Variants in CFAP91 observed in about 807,000 individuals in gnomAD.
CFAP91 encodes the protein cilia- and flagella-associated protein 91.
Under a neutral mutation model 95.9 loss-of-function variants are expected in CFAP91, and 85 were observed. That is an observed-to-expected ratio of 0.89 (90% CI 0.74 to 1.06). The LOEUF (loss-of-function observed/expected upper bound fraction) is 1.06. Among genes scored for constraint, CFAP91 ranks in the 50% least tolerant of loss-of-function variants. CFAP91 has a pLI of 0.00. For missense variants in CFAP91, 962 were observed against 943.4 expected, an observed-to-expected ratio of 1.02 and a Z score of -0.26; for synonymous variants, 335 against 327.5, an observed-to-expected ratio of 1.02 and a Z score of -0.25.
intron 5 of CFAP91, among the ~76,000 whole-genome samples, chr3:119,712,525 T>G (rs757053473): frequency 9.9e-5 from 15 of 152,202 alleles, no homozygotes; most frequent in Non-Finnish European, 1.9e-4. Context: ...CAAAGCTGAT[T>G]TGAAGTTATT....
intron 4 of CFAP91, among the ~76,000 whole-genome samples, chr3:119,709,273 T>C (rs1242471960): frequency 6.6e-6 from 1 of 152,246 alleles, no homozygotes; most frequent in Non-Finnish European, 1.5e-5. Flanking sequence ...CTGTATAAGC[T>C]TCCTTGAGAA....
At chr3:119,762,321 G>A (rs907512511) in intron 17 of CFAP91, among the ~76,000 whole-genome samples, 5 of 151,920 alleles carry the variant, frequency 3.3e-5, no homozygotes, top group Non-Finnish European at 7.4e-5. Flanking sequence ...AAACATTGAT[G>A]AAAGAAATTA....
intron 14 of CFAP91, among the ~76,000 whole-genome samples, chr3:119,744,912 TC>T (rs2054193397): frequency 6.6e-6 from 1 of 152,166 alleles, no homozygotes; most frequent in Admixed American, 6.5e-5. Context: ...GAACTTGCCA[TC>T]CTTTACCTAA....
At chr3:119,708,264 C>CAATAAAA (rs2053409649) in intron 3 of CFAP91, among the ~76,000 whole-genome samples, 1 of 111,862 alleles carries the variant, frequency 8.9e-6, no homozygotes. Context: ...GACTCTGTCT[C>CAATAAAA]AAAAAAAAAA....
chr3:119,729,253 G>A (rs2053847042), intron 7 of CFAP91, among the ~76,000 whole-genome samples: 1 of 152,134 alleles, frequency 6.6e-6, no homozygotes, highest in African/African-American at 2.4e-5. Flanking sequence ...GTGTAAGAGG[G>A]TCAGACTTCT....
At chr3:119,764,757 CT>C (rs1170458427) in intron 17 of CFAP91, among the ~76,000 whole-genome samples, 5 of 152,054 alleles carry the variant, frequency 3.3e-5, no homozygotes, top group African/African-American at 4.8e-5. Flanking sequence ...AGAGATTTAC[CT>C]TTCTCATGTT....
chr3:119,706,768 T>C (rs758887384), intron 1 of CFAP91, 41 bp from the exon 2 acceptor site: 2 of 1,432,906 alleles, frequency 1.4e-6, no homozygotes, highest in South Asian at 2.3e-5. Flanking sequence ...TAGGGGTAGA[T>C]ATGTTCTATC....
intron 6 of CFAP91, among the ~76,000 whole-genome samples, chr3:119,724,396 TA>T (rs2053741167): frequency 6.6e-6 from 1 of 152,082 alleles, no homozygotes; most frequent in African/African-American, 2.4e-5. Context: ...AATTTTTTAT[TA>T]AAAAATGTGA....
chr3:119,737,286 T>TA (rs1475397635), intron 10 of CFAP91, 80 bp from the exon 11 acceptor site: 1 of 786,742 alleles, frequency 1.3e-6, no homozygotes, highest in South Asian at 1.7e-5. Flanking sequence ...TACATTCATG[T>TA]AAAAAACTGC....
chr3:119,708,791 T>A (rs1490061121), intron 4 of CFAP91, 117 bp downstream of exon 4: 5 of 613,876 alleles, frequency 8.1e-6, no homozygotes, highest in Non-Finnish European at 1.4e-5. Flanking sequence ...CTATTTTAAG[T>A]GCTTTACATG....
chr3:119,739,352 G>T (rs2054072374), intron 12 of CFAP91, 26 bp downstream of exon 12: 1 of 1,606,894 alleles, frequency 6.2e-7, no homozygotes, highest in Non-Finnish European at 8.5e-7. Flanking sequence ...CGCTGGCCCT[G>T]CATTTCTCTT....
chr3:119,735,697 G>C (rs374206761), intron 10 of CFAP91, among the ~76,000 whole-genome samples: 1 of 152,120 alleles, frequency 6.6e-6, no homozygotes, highest in African/African-American at 2.4e-5. Context: ...ATCACACTGT[G>C]CCACTTGATG....
chr3:119,707,417 G>A lies in CFAP91; in HGVS notation c.215G>A (p.Arg72Lys), dbSNP rs368310144. 4.6e-5 allele frequency: 71 copies of A among 1,556,010 alleles called. 1 individual carries two copies. Among genetic ancestry groups the A allele is most frequent in the South Asian group, 4.2e-4 (35 of 82,558 alleles). ...LIRSRLRKVPRFKTMFSNLIH... is the reference protein window; with the variant it reads ...LIRSRLRKVPKFKTMFSNLIH... ...CTCTAACATTAGAGAAAAGTTCCCA[G>A]GTTTAAAACCATGTTCAGTAACCTG... Residue 72 changes from arginine (R) to lysine (K), a missense_variant, in exon 3 of 18, where the codon AGG becomes AAG. Physicochemically the swap from Arg to Lys is conservative, Grantham distance 26. Coordinates refer to ENST00000273390, the MANE Select transcript of CFAP91 (RefSeq NM_033364.4).
At chr3:119,759,522 TTGAAA>T (rs1235517765) in intron 17 of CFAP91, among the ~76,000 whole-genome samples, 2 of 151,884 alleles carry the variant, frequency 1.3e-5, no homozygotes, top group Non-Finnish European at 2.9e-5. Context: ...TATTCTACAG[TTGAAA>T]GTAATACAAA....
At chr3:119,726,450 A>G in intron 7 of CFAP91, 102 bp downstream of exon 7, 1 of 1,135,934 alleles carries the variant, frequency 8.8e-7, no homozygotes. Context: ...GTTGAAAAGC[A>G]ATCCTCAACC....
intron 4 of CFAP91, among the ~76,000 whole-genome samples, 197 bp downstream of exon 4, chr3:119,708,871 A>G (rs1003263795): frequency 6.6e-6 from 1 of 152,204 alleles, no homozygotes; most frequent in African/African-American, 2.4e-5. Flanking sequence ...CCAGTAATGA[A>G]GCTGAGACCG....
chr3:119,766,727 A>T lies in CFAP91; in HGVS notation c.*1677A>T, dbSNP rs542905378. ...GGGTAAGAGCAGCACTCGATGACAC[A>T]GAAATGAATGCACATGACTGTGTTC... On this transcript the variant is annotated 3_prime_UTR_variant, in exon 18 of 18. Coordinates refer to ENST00000273390, the MANE Select transcript of CFAP91 (RefSeq NM_033364.4). 1 of 152,242 alleles carries T rather than the reference A, an allele frequency of 6.6e-6. No homozygotes were observed. The highest frequency in any genetic ancestry group is 2.4e-5 in the African/African-American group (1 of 41,468). The allele number at this position is 152,242 out of a possible 1,614,324, so 9.4% of individuals were successfully genotyped here. A position where few individuals can be genotyped will look rare whatever the true frequency, so the allele number is the denominator to read the frequency against.
At chr3:119,723,367 A>G (rs572443328) in intron 6 of CFAP91, among the ~76,000 whole-genome samples, 2 of 152,356 alleles carry the variant, frequency 1.3e-5, no homozygotes, top group African/African-American at 2.4e-5. Flanking sequence ...TTCTACTTCT[A>G]AGAATCCTAG....
At position 119,749,447 on chromosome 3, in the gene CFAP91, G is replaced by A. The variant is rs1486534719; in HGVS notation, c.2144-1490G>A. Among the ~76,000 whole-genome samples the A allele has an allele frequency of 3.3e-5, 5 of 152,176 alleles. No individual in the cohort carries two copies. The East Asian group carries it at 5.8e-4, about 18-fold the overall frequency. On this transcript the variant is annotated intron_variant, in intron 16 of 17. Transcript: ENST00000273390. ...ACTGAAGTGGGAGGATCACTTGAGT[G>A]CAGGAGGTGGAGGCTGCAGTGAGCC... is the stretch of plus-strand genomic sequence containing the variant.
Sources: allele counts gnomAD v4.1 joint callset (sites outside exome capture counted in the v4.1 genomes callset), GRCh38; gene constraint gnomAD v4.1.1; transcripts MANE v1.5; gene names NCBI Gene and HGNC (gene_info 2026-07-23, HGNC 2026-07-21).